EVC2: variants seen among roughly 807,000 people sequenced by gnomAD.
The protein encoded by EVC2 is EvC ciliary complex subunit 2.
EVC2 carries 148 observed loss-of-function variants against 149.3 expected under a neutral mutation model. The observed-to-expected ratio is 0.99, with a 90% CI of 0.87 to 1.14. EVC2 has a LOEUF of 1.14. EVC2 is among the 50% of genes most tolerant of loss of function. The pLI is 0.00. For synonymous variants in EVC2, 776 were observed against 649.9 expected (o/e 1.19, Z -2.95); for missense variants, 1,854 against 1,627.3 (o/e 1.14, Z -2.40).
rs2108858118 is a variant in EVC2, at chr4:5,637,007, T to A, written c.1470+3507A>T. On this transcript the variant is annotated intron_variant, in intron 10 of 21. Transcript: ENST00000344408. The surrounding 1 kb of genome is among the most constrained non-coding windows in gnomAD (Gnocchi z 4.4). Reference sequence around the variant, plus strand: ...TCTTTGAACAGAGTGACCTAGGACATCCGGAGTGATGGTGCCTGCCCAATA... The same window carrying A: ...TCTTTGAACAGAGTGACCTAGGACAACCGGAGTGATGGTGCCTGCCCAATA... Among the ~76,000 whole-genome samples the A allele has an allele frequency of 6.6e-6, 1 of 152,204 alleles. No individual in the cohort carries two copies. The highest frequency in any genetic ancestry group is 2.1e-4 in the South Asian group (1 of 4,822).
chr4:5,637,632 A>C lies in EVC2; in HGVS notation c.1470+2882T>G, dbSNP rs1214961861. Among the ~76,000 whole-genome samples, 3 of 152,248 alleles carry C rather than the reference A, an allele frequency of 2.0e-5. No homozygotes were observed. Among genetic ancestry groups the C allele is most frequent in the African/African-American group, 4.8e-5 (2 of 41,466 alleles). On this transcript the variant is annotated intron_variant, in intron 10 of 21. Transcript: ENST00000344408. This position sits in a 1 kb window ranked among gnomAD's most constrained non-coding sequence, Gnocchi z 4.4. ...CAACTATACAAACTGCATAATCCTT[A>C]CTTTATAAAAATAAATGGATAAAGC...
At chr4:5,701,668 A>C (rs1721836379) in intron 1 of EVC2, among the ~76,000 whole-genome samples, 1 of 152,164 alleles carries the variant, frequency 6.6e-6, no homozygotes, top group East Asian at 1.9e-4. Context: ...CCCCCATGTA[A>C]ATCTCTAGTT....
chr4:5,561,108 T>C (rs1721937686), downstream of EVC2, among the ~76,000 whole-genome samples: 1 of 152,220 alleles, frequency 6.6e-6, no homozygotes, highest in African/African-American at 2.4e-5. Context: ...TTTGAAATTT[T>C]TGCATGCAAT....
At position 5,565,312 on chromosome 4, in the gene EVC2, T is replaced by C. The variant is rs1213729710; in HGVS notation, c.3605A>G (p.Asp1202Gly). ...CTTTTCTAATCCTCTGCTTATCAGA[T>C]CTCCTCGCAGTTTGCCATCTAAGGC... ...WQALDGKLRG[D>G]LISRGLEKML... The change falls in exon 21 of 22, where the codon GAT (aspartate) becomes GGT (glycine). Residue 1202 changes from aspartate to glycine, a missense_variant. By Grantham distance (94) the Asp-to-Gly change is moderately conservative (BLOSUM62 -1). Transcript: ENST00000344408. 6.2e-7 allele frequency: 1 copy of C among 1,614,066 alleles called. No individual in the cohort carries two copies. The highest frequency in any genetic ancestry group is 8.5e-7 in the Non-Finnish European group (1 of 1,180,006).
At chr4:5,589,020 C>T (rs970250515) in intron 16 of EVC2, among the ~76,000 whole-genome samples, 1 of 152,242 alleles carries the variant, frequency 6.6e-6, no homozygotes, top group Non-Finnish European at 1.5e-5. Flanking sequence ...TTTTTCTCCT[C>T]ATGAGGAGTT....
chr4:5,531,633 T>C, the EVC2 span, among the ~76,000 whole-genome samples: 1 of 152,032 alleles, frequency 6.6e-6, no homozygotes, highest in African/African-American at 2.4e-5. Flanking sequence ...ATGCGAGGGA[T>C]CTAGGTTGCG....
At chr4:5,585,486 T>C (rs1167391929) in intron 16 of EVC2, among the ~76,000 whole-genome samples, 1 of 152,228 alleles carries the variant, frequency 6.6e-6, no homozygotes, top group African/African-American at 2.4e-5. Flanking sequence ...AGGGTTTACT[T>C]GACCTCAGGC....
rs1018329434 is a variant in EVC2 at position 5,599,436 on chromosome 4, T to A, written c.2830-14586A>T. 2.0e-5 allele frequency among the ~76,000 whole-genome samples: 3 copies of A among 152,028 alleles called. No individual in the cohort carries two copies. In the East Asian group the frequency reaches 5.8e-4, roughly 29 times the overall value. On this transcript the variant is annotated intron_variant, in intron 16 of 21. Transcript: ENST00000344408. Reference sequence around the variant, plus strand: ...GTCATTTGTAGGGACATGGATGAAATTGGAAATCATCATTCTCAGTAAACT... The same window carrying A: ...GTCATTTGTAGGGACATGGATGAAAATGGAAATCATCATTCTCAGTAAACT...
chr4:5,584,499 C>G, intron 17 of EVC2, 124 bp downstream of exon 17: 1 of 1,006,410 alleles, frequency 9.9e-7, no homozygotes, highest in Non-Finnish European at 1.5e-6. Context: ...TCGTTTAATC[C>G]TCACCACAAC....
intron 1 of EVC2, among the ~76,000 whole-genome samples, chr4:5,706,433 G>A (rs77615077): frequency 3.9e-5 from 1 of 25,716 alleles, no homozygotes; most frequent in African/African-American, 1.0e-4. Flanking sequence ...TAGATACATA[G>A]ATAGATAGAT....
intron 6 of EVC2, among the ~76,000 whole-genome samples, chr4:5,682,719 T>G (rs1270600458): frequency 6.7e-6 from 1 of 150,310 alleles, no homozygotes; most frequent in Admixed American, 6.6e-5. Context: ...ATTAGCCAGG[T>G]GTGGTGGTGG....
chr4:5,657,588 T>A lies in EVC2; in HGVS notation c.1145+5519A>T, dbSNP rs1718605966. 6.6e-6 allele frequency among the ~76,000 whole-genome samples: 1 copy of A among 151,982 alleles called. No individual in the cohort carries two copies. The highest frequency in any genetic ancestry group is 1.5e-5 in the Non-Finnish European group (1 of 67,994). Reference sequence around the variant, plus strand: ...CCTCAAATTTTCTCTGCAGGCGACTTTCCACCAAGAACACCATTGTGTAGA... The same window carrying A: ...CCTCAAATTTTCTCTGCAGGCGACTATCCACCAAGAACACCATTGTGTAGA... On this transcript the variant is annotated intron_variant, in intron 9 of 21. Coordinates refer to ENST00000344408, the MANE Select transcript of EVC2 (RefSeq NM_147127.5). This position sits in a 1 kb window ranked among gnomAD's most constrained non-coding sequence, Gnocchi z 4.7.
At chr4:5,598,512 T>C (rs1158797801) in intron 16 of EVC2, among the ~76,000 whole-genome samples, 30 of 152,234 alleles carry the variant, frequency 2.0e-4, no homozygotes, top group Admixed American at 5.9e-4. Context: ...AACTGGCTAG[T>C]CATATGGAAA....
At chr4:5,611,232 T>C (rs994977365) in intron 16 of EVC2, among the ~76,000 whole-genome samples, 1 of 152,192 alleles carries the variant, frequency 6.6e-6, no homozygotes, top group African/African-American at 2.4e-5. Flanking sequence ...ACATGCCTGG[T>C]GGTGGACCCT....
At chr4:5,532,175 AG>A in the EVC2 span, among the ~76,000 whole-genome samples, 2 of 152,054 alleles carry the variant, frequency 1.3e-5, no homozygotes, top group Non-Finnish European at 2.9e-5. Context: ...TTGCAGGGCA[AG>A]CAGGAAGGCT....
intron 9 of EVC2, among the ~76,000 whole-genome samples, chr4:5,651,027 G>A (rs1470530846): frequency 6.6e-6 from 1 of 152,186 alleles, no homozygotes; most frequent in Non-Finnish European, 1.5e-5. Flanking sequence ...TAAACACGTG[G>A]ATGGATGGGT....
chr4:5,584,529 G>T, intron 17 of EVC2, 94 bp downstream of exon 17: 1 of 1,261,548 alleles, frequency 7.9e-7, no homozygotes, highest in Non-Finnish European at 1.1e-6. Flanking sequence ...CAGACAGGAC[G>T]GGGGTTGCAG....
At chr4:5,585,737 C>T (rs929313042) in intron 16 of EVC2, among the ~76,000 whole-genome samples, 4 of 152,134 alleles carry the variant, frequency 2.6e-5, no homozygotes, top group Non-Finnish European at 5.9e-5. Context: ...GGTAATCCCA[C>T]CCCCTGCCCC....
chr4:5,704,495 A>G lies in EVC2; in HGVS notation c.228+3791T>C, dbSNP rs528248146. Reference sequence around the variant, plus strand: ...CACGGGCCATGTCAGGTAGGCATGCAGATCCACGGTGGAGCTCAGAGAAGG... The same window carrying G: ...CACGGGCCATGTCAGGTAGGCATGCGGATCCACGGTGGAGCTCAGAGAAGG... On this transcript the variant is annotated intron_variant, in intron 1 of 21. Coordinates refer to ENST00000344408, the MANE Select transcript of EVC2 (RefSeq NM_147127.5). 5.0e-3 allele frequency among the ~76,000 whole-genome samples: 754 copies of G among 152,234 alleles called. 5 individuals carry two copies. Among genetic ancestry groups the G allele is most frequent in the Non-Finnish European group, 7.9e-3 (539 of 68,016 alleles).
Sources: gnomAD v4.1 joint callset for allele counts (sites outside exome capture counted in the v4.1 genomes callset) on GRCh38, gnomAD v4.1.1 for gene constraint, Gnocchi (gnomAD v3.1) non-coding constraint, MANE v1.5 for transcripts, NCBI Gene and HGNC (gene_info 2026-07-23, HGNC 2026-07-21) for gene names.